Variants in CACNA2D3 observed in about 807,000 individuals in gnomAD.
The protein encoded by CACNA2D3 is calcium voltage-gated channel auxiliary subunit alpha2delta 3.
CACNA2D3 carries 60 observed loss-of-function variants against 160.6 expected under a neutral mutation model. The observed-to-expected ratio is 0.37, with a 90% CI of 0.30 to 0.46. The LOEUF is 0.46. CACNA2D3 is among the 20% of genes least tolerant of loss of function. The probability of loss-of-function intolerance (pLI) is 1.00; values close to 1 mark genes in which losing one functional copy is unlikely to be tolerated. For synonymous variants in CACNA2D3, 558 were observed against 492.9 expected (o/e 1.13, Z -1.75); for missense variants, 1,205 against 1,365.0 (o/e 0.88, Z 1.85).
chr3:55,002,172 A>G (rs1174685939), intron 31 of CACNA2D3, among the ~76,000 whole-genome samples: 5 of 151,886 alleles, frequency 3.3e-5, no homozygotes, highest in South Asian at 4.2e-4. Context: ...AAAAAAAAAA[A>G]AAGAATGTAC....
In CACNA2D3 at chr3:54,310,042, TTCCTCAAGGATTG is replaced by T. The variant is rs549887340; in HGVS notation, c.205-10392_205-10380del. ...CTGTGGCTTTGACAGAAAAATTGCA[TTCCTCAAGGATTG>T]TCCTCAAACTTCACTAGATCTGGAA... On this transcript the variant is annotated intron_variant, in intron 2 of 37. Transcript: ENST00000474759. Among the ~76,000 whole-genome samples the T allele has an allele frequency of 2.5e-4, 38 of 152,132 alleles. 1 individual carries two copies. The East Asian group carries it at 7.2e-3, about 29-fold the overall frequency.
At chr3:54,682,397 C>T (rs965952639) in intron 11 of CACNA2D3, among the ~76,000 whole-genome samples, 4 of 152,144 alleles carry the variant, frequency 2.6e-5, no homozygotes, top group Middle Eastern at 3.4e-3. Flanking sequence ...GAGGTCAAGG[C>T]GAGTGGATCA....
At chr3:54,919,998 AT>A (rs1272300754) in intron 27 of CACNA2D3, among the ~76,000 whole-genome samples, 1 of 152,084 alleles carries the variant, frequency 6.6e-6, no homozygotes, top group East Asian at 1.9e-4. Context: ...AAGCCTTTTG[AT>A]TGGACAGAAC....
intron 11 of CACNA2D3, among the ~76,000 whole-genome samples, chr3:54,697,030 A>G (rs1178120028): frequency 6.6e-6 from 1 of 152,160 alleles, no homozygotes. Flanking sequence ...TAATCCCAGC[A>G]CTTTGGGAGG....
At chr3:54,628,582 G>A (rs1235875838) in intron 10 of CACNA2D3, among the ~76,000 whole-genome samples, 2 of 152,118 alleles carry the variant, frequency 1.3e-5, no homozygotes, top group Non-Finnish European at 2.9e-5. Flanking sequence ...GACAATAACA[G>A]GGAGGCCATT....
At chr3:55,059,461 G>T (rs1220882150) in intron 35 of CACNA2D3, among the ~76,000 whole-genome samples, 1 of 152,168 alleles carries the variant, frequency 6.6e-6, no homozygotes, top group Non-Finnish European at 1.5e-5. Context: ...TGTCTGTTCT[G>T]GCTGTGGCTG....
chr3:54,901,750 T>C (rs1388789679), intron 27 of CACNA2D3, among the ~76,000 whole-genome samples: 1 of 152,192 alleles, frequency 6.6e-6, no homozygotes, highest in East Asian at 1.9e-4. Context: ...TTTCAAACTT[T>C]GGTAGACGTA....
At chr3:54,313,642 T>G (rs1347098091) in intron 2 of CACNA2D3, among the ~76,000 whole-genome samples, 4 of 152,116 alleles carry the variant, frequency 2.6e-5, no homozygotes, top group African/African-American at 7.2e-5. Flanking sequence ...TCCAGTGCAG[T>G]GGGGGCAGTG....
At chr3:54,327,448 G>A (rs1198099198) in intron 3 of CACNA2D3, among the ~76,000 whole-genome samples, 1 of 152,200 alleles carries the variant, frequency 6.6e-6, no homozygotes, top group African/African-American at 2.4e-5. Flanking sequence ...CCTGTAGAAA[G>A]CATTCTTCTT....
chr3:54,289,347 C>A (rs543321046), intron 2 of CACNA2D3, among the ~76,000 whole-genome samples: 1 of 152,064 alleles, frequency 6.6e-6, no homozygotes, highest in Non-Finnish European at 1.5e-5. Context: ...ATCCAACTTA[C>A]AAGGGACATG....
chr3:54,433,980 A>C (rs1700025620), intron 4 of CACNA2D3, among the ~76,000 whole-genome samples: 1 of 152,194 alleles, frequency 6.6e-6, no homozygotes, highest in African/African-American at 2.4e-5. Context: ...TGGTGGTGTC[A>C]GCGGAAATGA....
chr3:54,741,808 G>C (rs971717443), intron 11 of CACNA2D3, among the ~76,000 whole-genome samples: 1 of 151,474 alleles, frequency 6.6e-6, no homozygotes, highest in African/African-American at 2.4e-5. Flanking sequence ...GTCCTGCCTT[G>C]TTCCTATTTT....
chr3:54,638,906 TAAG>T (rs1339008588), intron 10 of CACNA2D3: 1 of 151,842 alleles, frequency 6.6e-6, no homozygotes, highest in African/African-American at 2.4e-5. Context: ...TTTAAGTTCT[TAAG>T]AATACATGCT....
intron 2 of CACNA2D3, among the ~76,000 whole-genome samples, chr3:54,204,802 A>AGG (rs1559881543): frequency 5.4e-5 from 8 of 148,248 alleles, no homozygotes; most frequent in African/African-American, 1.2e-4. Flanking sequence ...TCTTGAAAAA[A>AGG]AAAAAAAAAA....
At chr3:54,871,209 A>T (rs1699523249) in intron 17 of CACNA2D3, among the ~76,000 whole-genome samples, 1 of 116,744 alleles carries the variant, frequency 8.6e-6, no homozygotes, top group African/African-American at 3.3e-5. Context: ...ACACACACAC[A>T]CACACACACA....
At chr3:55,040,408 C>T (rs564084378) in intron 35 of CACNA2D3, among the ~76,000 whole-genome samples, 280 of 152,240 alleles carry the variant, frequency 1.8e-3, no homozygotes, top group Middle Eastern at 3.4e-3. Context: ...ATTCAAATAT[C>T]CATATCAATA....
chr3:54,477,741 G>A (rs1038743947), intron 4 of CACNA2D3, among the ~76,000 whole-genome samples: 1 of 152,024 alleles, frequency 6.6e-6, no homozygotes, highest in East Asian at 1.9e-4. Context: ...ATCTTCACAC[G>A]GAGATCAGAT....
Position 54,696,016 on chromosome 3 carries a change from G to A in CACNA2D3, c.1167+53775G>A, listed in dbSNP as rs187366651. On this transcript the variant is annotated intron_variant, in intron 11 of 37. Coordinates refer to ENST00000474759, the MANE Select transcript of CACNA2D3 (RefSeq NM_018398.3). ...TTCTTTCTACATCTTATTCTCATCT[G>A]TCTCTTCACTTGTCTCCCCCAGTGT... Among the ~76,000 whole-genome samples the A allele has an allele frequency of 3.8e-3, 574 of 152,244 alleles. 2 individuals carry two copies. Among genetic ancestry groups the A allele is most frequent in the Non-Finnish European group, 5.8e-3 (396 of 68,020 alleles).
chr3:54,249,449 G>T (rs1270786116), intron 2 of CACNA2D3, among the ~76,000 whole-genome samples: 1 of 151,962 alleles, frequency 6.6e-6, no homozygotes, highest in Non-Finnish European at 1.5e-5. Context: ...TTTGAACTTT[G>T]TCTGCACCAG....
Sources: allele counts gnomAD v4.1 joint callset (sites outside exome capture counted in the v4.1 genomes callset), GRCh38; gene constraint gnomAD v4.1.1; transcripts MANE v1.5; gene names NCBI Gene and HGNC (gene_info 2026-07-23, HGNC 2026-07-21).